IGF1R: variants seen among roughly 807,000 people sequenced by gnomAD.
The protein encoded by IGF1R is insulin like growth factor 1 receptor.
Under a neutral mutation model 144.6 loss-of-function variants are expected in IGF1R, and 44 were observed. The observed-to-expected ratio is 0.30, with a 90% CI of 0.24 to 0.39. The LOEUF (loss-of-function observed/expected upper bound fraction) is 0.39. Ranked by LOEUF, IGF1R falls within the 10% of genes least tolerant of loss-of-function variation. The pLI, the probability that IGF1R is intolerant of heterozygous loss-of-function variation, is 1.00. For synonymous variants in IGF1R, 795 were observed against 722.8 expected (o/e 1.10, Z -1.60); for missense variants, 1,355 against 1,833.7 (o/e 0.74, Z 4.77).
chr15:98,748,414 A>T (rs1013261642), intron 2 of IGF1R, among the ~76,000 whole-genome samples: 1 of 152,148 alleles, frequency 6.6e-6, no homozygotes, highest in South Asian at 2.1e-4. Flanking sequence ...GCCTCAAGTG[A>T]TCCTCCTTCC....
At chr15:98,896,156 G>C (rs976429812) in intron 3 of IGF1R, among the ~76,000 whole-genome samples, 1 of 152,174 alleles carries the variant, frequency 6.6e-6, no homozygotes, top group Non-Finnish European at 1.5e-5. Context: ...CAATTTACAA[G>C]TTTCTGCAAA....
At chr15:98,886,162 TA>T (rs549066338) in intron 2 of IGF1R, among the ~76,000 whole-genome samples, 4 of 149,398 alleles carry the variant, frequency 2.7e-5, no homozygotes, top group Admixed American at 6.7e-5. Flanking sequence ...AATGATTATT[TA>T]AAAAAAAAAC....
intron 2 of IGF1R, among the ~76,000 whole-genome samples, chr15:98,860,852 C>G (rs758955380): frequency 1.2e-4 from 19 of 152,182 alleles, no homozygotes; most frequent in Non-Finnish European, 2.5e-4. Context: ...AAACAGATTT[C>G]TAAGCTTGTT....
At chr15:98,901,173 C>G (rs2014463799) in intron 5 of IGF1R, among the ~76,000 whole-genome samples, 1 of 152,178 alleles carries the variant, frequency 6.6e-6, no homozygotes, top group Admixed American at 6.5e-5. Context: ...GTTGCGTGCT[C>G]AGGTGTTTGG....
chr15:98,912,288 G>C (rs1309652657), intron 7 of IGF1R, among the ~76,000 whole-genome samples: 1 of 152,224 alleles, frequency 6.6e-6, no homozygotes, highest in Non-Finnish European at 1.5e-5. Context: ...CTATGAATGA[G>C]AAATTGGGTA....
intron 2 of IGF1R, among the ~76,000 whole-genome samples, chr15:98,877,505 TTTTTTTTTC>T (rs1201952732): frequency 2.1e-4 from 31 of 144,412 alleles, no homozygotes; most frequent in African/African-American, 7.6e-4. Context: ...TTTTTTTTTT[TTTTTTTTTC>T]CCCAAAAAAT....
At chr15:98,742,550 C>T (rs1212672782) in intron 2 of IGF1R, among the ~76,000 whole-genome samples, 1 of 152,086 alleles carries the variant, frequency 6.6e-6, no homozygotes, top group African/African-American at 2.4e-5. Context: ...GTAGAGTTAA[C>T]CCTAGGCTAG....
At chr15:98,759,984 G>C (rs919736709) in intron 2 of IGF1R, among the ~76,000 whole-genome samples, 1 of 152,156 alleles carries the variant, frequency 6.6e-6, no homozygotes, top group African/African-American at 2.4e-5. Context: ...GCCACATTTT[G>C]CTTGGTTATT....
chr15:98,910,193 C>T (rs984902419), intron 6 of IGF1R, among the ~76,000 whole-genome samples: 1 of 152,196 alleles, frequency 6.6e-6, no homozygotes, highest in Non-Finnish European at 1.5e-5. Context: ...CCAGCGCCGC[C>T]TCCCGCCCCC....
intron 1 of IGF1R, among the ~76,000 whole-genome samples, chr15:98,691,694 G>A (rs968946913): frequency 9.2e-5 from 14 of 152,086 alleles, no homozygotes; most frequent in African/African-American, 3.4e-4. Context: ...CTGGGACCAT[G>A]GGTTTTTGGG....
chr15:98,868,492 C>A (rs1191835423), intron 2 of IGF1R, among the ~76,000 whole-genome samples: 1 of 151,828 alleles, frequency 6.6e-6, no homozygotes, highest in African/African-American at 2.4e-5. Flanking sequence ...CCTCTTAGAC[C>A]CTCAGTCTGG....
At chr15:98,701,529 A>G (rs1391544852) in intron 1 of IGF1R, among the ~76,000 whole-genome samples, 1 of 151,620 alleles carries the variant, frequency 6.6e-6, no homozygotes, top group Non-Finnish European at 1.5e-5. Flanking sequence ...TTTAGTAGAG[A>G]TGGGGTTTCA....
In IGF1R at chr15:98,942,844, A is replaced by G. The variant is rs539906638; in HGVS notation, c.3458-79A>G. On this transcript the variant is annotated intron_variant, in intron 18 of 20. Coordinates refer to ENST00000650285, the MANE Select transcript of IGF1R (RefSeq NM_000875.5). ...TCTTGCCTTGCGTCTCTCCACACAT[A>G]ATGAGTGTAGGGTCCTCTGCTGTGA... The G allele has an allele frequency of 2.5e-5, 39 of 1,582,854 alleles. No homozygotes were observed. In the South Asian group the frequency reaches 2.6e-4, roughly 10 times the overall value.
At chr15:98,677,747 A>G (rs1330047586) in intron 1 of IGF1R, among the ~76,000 whole-genome samples, 1 of 152,254 alleles carries the variant, frequency 6.6e-6, no homozygotes, top group Non-Finnish European at 1.5e-5. Flanking sequence ...CAAAAAAGGC[A>G]GAATGACAGG....
At chr15:98,660,830 C>T (rs2052581787) in intron 1 of IGF1R, among the ~76,000 whole-genome samples, 1 of 152,154 alleles carries the variant, frequency 6.6e-6, no homozygotes, top group Non-Finnish European at 1.5e-5. Flanking sequence ...ATGAATAATT[C>T]ATTGGCACCG....
In IGF1R at chr15:98,922,428, G is replaced by A. The variant is rs35224135; in HGVS notation, c.2482G>A (p.Ala828Thr). ...SNFVFARTMP[A>T]EGADDIPGPV... ...CTTCGTCTTTGCAAGGACTATGCCC[G>A]CAGGTATGGTATGATCCAGCTGGCC... The change falls in exon 11 of 21, where the codon GCA becomes ACA. Residue 828 changes from alanine (A) to threonine (T), a missense_variant. Around this residue, in one of 7 missense-constraint regions of IGF1R, gnomAD observed 880 missense variants for 1,202.7 expected, o/e 0.73. Transcript: ENST00000650285. The A allele has an allele frequency of 1.2e-5, 19 of 1,609,408 alleles. No homozygotes were observed. Among genetic ancestry groups the A allele is most frequent in the Non-Finnish European group, 1.4e-5 (17 of 1,180,006 alleles).
At chr15:98,926,587 AAATT>A (rs945684179) in intron 13 of IGF1R, among the ~76,000 whole-genome samples, 33 of 152,346 alleles carry the variant, frequency 2.2e-4, no homozygotes, top group African/African-American at 4.8e-4. Context: ...TTGTATATTA[AAATT>A]AATTAATTTT....
In IGF1R at chr15:98,716,256, G is replaced by T. The variant is rs1006997291; in HGVS notation, c.640+8149G>T. Among the ~76,000 whole-genome samples the T allele has an allele frequency of 2.1e-4, 32 of 152,170 alleles. 1 individual carries two copies. Among genetic ancestry groups the T allele is most frequent in the Admixed American group, 6.5e-5 (1 of 15,278 alleles). On this transcript the variant is annotated intron_variant, in intron 2 of 20. Coordinates refer to ENST00000650285, the MANE Select transcript of IGF1R (RefSeq NM_000875.5). ...AAGTTACTGAGGGTTTCCGTGGTCT[G>T]CTCTGAGAAGATTTCTTGCTTCCTG... is the stretch of plus-strand genomic sequence containing the variant.
At chr15:98,930,391 G>A in intron 15 of IGF1R, 86 bp downstream of exon 15, 1 of 861,584 alleles carries the variant, frequency 1.2e-6, no homozygotes, top group Admixed American at 1.9e-5. Flanking sequence ...GGGAAAGGAA[G>A]GAGGTTTGCA....
Sources: allele counts gnomAD v4.1 joint callset (sites outside exome capture counted in the v4.1 genomes callset), GRCh38; gene constraint gnomAD v4.1.1; regional missense constraint gnomAD v4.1.1; transcripts MANE v1.5; gene names NCBI Gene and HGNC (gene_info 2026-07-23, HGNC 2026-07-21).